The following PRAMEF10 variants were observed in gnomAD, a reference collection of about 807,000 sequenced individuals.
PRAMEF10 encodes PRAME family member 10.
PRAMEF10 carries 4 observed loss-of-function variants against 27.7 expected under a neutral mutation model. The ratio of observed to expected loss-of-function variants is 0.14; its 90% CI spans 0.07 to 0.33. PRAMEF10 has a LOEUF of 0.33. Ranked by LOEUF, PRAMEF10 falls within the 10% of genes least tolerant of loss-of-function variation. The pLI is 1.00. For missense variants in PRAMEF10, 99 were observed against 453.9 expected, an observed-to-expected ratio of 0.22 and a Z score of 7.10; for synonymous variants, 46 against 176.0, an observed-to-expected ratio of 0.26 and a Z score of 5.85.
rs2100447386 is a variant in PRAMEF10 at position 12,897,668 on chromosome 1, C to G, written c.-26+548G>C. 1.3e-5 allele frequency among the ~76,000 whole-genome samples: 2 copies of G among 149,510 alleles called. 1 individual carries two copies. Among genetic ancestry groups the G allele is most frequent in the African/African-American group, 5.0e-5 (2 of 39,738 alleles). Reference sequence around the variant, plus strand: ...GGTCAGGAGTTTGAGACCAACTTGGCCAGCATGGTGAAACCCCACCTCTAC... The same window carrying G: ...GGTCAGGAGTTTGAGACCAACTTGGGCAGCATGGTGAAACCCCACCTCTAC... On this transcript the variant is annotated intron_variant, in intron 1 of 3. Coordinates refer to ENST00000235347, the MANE Select transcript of PRAMEF10 (RefSeq NM_001039361.4).
intron 1 of PRAMEF10, among the ~76,000 whole-genome samples, chr1:12,897,606 C>T (rs1401478272): frequency 6.7e-6 from 1 of 149,746 alleles, no homozygotes; most frequent in Non-Finnish European, 1.5e-5. Flanking sequence ...GCTGTAATTC[C>T]AGCACTTTGG....
chr1:12,894,310 C>T (rs1013545897), intron 3 of PRAMEF10, among the ~76,000 whole-genome samples: 16 of 143,910 alleles, frequency 1.1e-4, no homozygotes, highest in African/African-American at 4.1e-4. Flanking sequence ...ACAAATGCAC[C>T]CTCACTAGAT....
In PRAMEF10 at chr1:12,894,576, C is replaced by G. The variant is rs202145847; in HGVS notation, c.866+10G>C. ...ATGGTCTGCAGAGAAAGCTCACCAT[C>G]ATTTCTTACCTGAGCAGGTGCTCCA... On this transcript the variant is annotated intron_variant, in intron 3 of 3. Coordinates refer to ENST00000235347, the MANE Select transcript of PRAMEF10 (RefSeq NM_001039361.4). The G allele has an allele frequency of 8.3e-4, 403 of 483,244 alleles. No homozygotes were observed. Among genetic ancestry groups the G allele is most frequent in the South Asian group, 8.3e-3 (375 of 45,096 alleles). The allele number at this position is 483,244 out of a possible 1,614,324, so 29.9% of individuals were successfully genotyped here. A position where few individuals can be genotyped will look rare whatever the true frequency, so the allele number is the denominator to read the frequency against.
In PRAMEF10 at chr1:12,894,643, TG is replaced by T; in HGVS notation, c.808del (p.Gln270ArgfsTer5). 1.6e-6 allele frequency: 1 copy of T among 628,766 alleles called. No individual in the cohort carries two copies. The highest frequency in any genetic ancestry group is 2.6e-6 in the Non-Finnish European group (1 of 389,304). The allele number at this position is 628,766 out of a possible 1,614,324, so 38.9% of individuals were successfully genotyped here. On this transcript the variant is annotated frameshift_variant, in exon 3 of 4. Transcript: ENST00000235347. LOFTEE classifies it high-confidence loss of function. The stretch of plus-strand genomic sequence containing the variant: ...ACTGATCTTTTTTATATAAAGCATC[TG>T]GGGGTAGTACAGGCAGAGGAATGGA... ...DSPFLCLYYP[Q>X]MLYIKKISNI...
chr1:12,897,491 C>A (rs1211741081), intron 1 of PRAMEF10, among the ~76,000 whole-genome samples: 1 of 148,626 alleles, frequency 6.7e-6, no homozygotes, highest in Non-Finnish European at 1.5e-5. Flanking sequence ...AATTGTTTCT[C>A]CCATGTCAGC....
chr1:12,893,741 C>G (rs1299206349), intron 3 of PRAMEF10, among the ~76,000 whole-genome samples: 18 of 99,060 alleles, frequency 1.8e-4, no homozygotes, highest in African/African-American at 5.5e-4. Flanking sequence ...AGTCCTTTCA[C>G]CCTTGCCTGT....
At position 12,897,837 on chromosome 1, in the gene PRAMEF10, A is replaced by G. The variant is rs189806229; in HGVS notation, c.-26+379T>C. Among the ~76,000 whole-genome samples the G allele has an allele frequency of 2.2e-3, 326 of 148,878 alleles. 18 individuals carry two copies. Among genetic ancestry groups the G allele is most frequent in the African/African-American group, 8.0e-3 (315 of 39,578 alleles). On this transcript the variant is annotated intron_variant, in intron 1 of 3. Transcript: ENST00000235347. ...GTGCCACTGCACTCCAGCCTTGGAA[A>G]CAGAGCGAGACTCCATCCCCCCTTC...
chr1:12,896,286 A>G lies in PRAMEF10; in HGVS notation c.-25-414T>C, dbSNP rs559192837. On this transcript the variant is annotated intron_variant, in intron 1 of 3. Coordinates refer to ENST00000235347, the MANE Select transcript of PRAMEF10 (RefSeq NM_001039361.4). ...CATTCCACCCGCCTTGGCCTCCCAAAGTACTGGGATTACAGGCGTAATCCT... is the reference window on the plus strand; with the variant it reads ...CATTCCACCCGCCTTGGCCTCCCAAGGTACTGGGATTACAGGCGTAATCCT... Among the ~76,000 whole-genome samples the G allele has an allele frequency of 1.6e-4, 24 of 150,098 alleles. 1 individual carries two copies. Among genetic ancestry groups the G allele is most frequent in the African/African-American group, 5.6e-4 (23 of 40,712 alleles).
rs747018020 is a variant in PRAMEF10, at chr1:12,893,074, C to G, written c.1267G>C (p.Gly423Arg). The stretch of plus-strand genomic sequence containing the variant: ...GTGAGGATCTCCCAATTGACATGAC[C>G]CTTGTAGTCAAGACTCTCCAGAGGG... ...PAPLESLDYK[G>R]HVNWEILTPI... The change falls in exon 4 of 4, where the codon GGT becomes CGT. Residue 423 changes from glycine to arginine, a missense_variant. Gly to Arg is a moderately radical substitution (Grantham distance 125). Transcript: ENST00000235347. 1 of 1,597,648 alleles carries G rather than the reference C, an allele frequency of 6.3e-7. No homozygotes were observed. The highest frequency in any genetic ancestry group is 1.4e-5 in the African/African-American group (1 of 73,202).
In PRAMEF10 at chr1:12,895,083, G is replaced by C; in HGVS notation, c.369C>G (p.Ser123=). The C allele has an allele frequency of 6.7e-7, 1 of 1,498,494 alleles. No homozygotes were observed. The highest frequency in any genetic ancestry group is 1.4e-5 in the African/African-American group (1 of 70,840). 92.8% of individuals were successfully genotyped at this position (1,498,494 alleles called of 1,614,324 possible). The change falls in exon 3 of 4, where the codon TCC becomes TCG. Residue 123 remains serine, a synonymous_variant. Coordinates refer to ENST00000235347, the MANE Select transcript of PRAMEF10 (RefSeq NM_001039361.4). ...TCTTACTCATGGCCTCTGGGGAGCA[G>C]GAGAGGACCCTGGCTCCAGACCATA... The part of the protein sequence containing the change: ...WTIWSGARVL[S]CSPEAMSKRQ...
At position 12,896,304 on chromosome 1, in the gene PRAMEF10, G is replaced by A. The variant is rs562942682; in HGVS notation, c.-25-432C>T. Among the ~76,000 whole-genome samples the A allele has an allele frequency of 3.0e-3, 453 of 150,372 alleles. 20 individuals carry two copies. Among genetic ancestry groups the A allele is most frequent in the Non-Finnish European group, 5.2e-3 (354 of 67,612 alleles). ...CTCCCAAAGTACTGGGATTACAGGC[G>A]TAATCCTCTTCCGGGACTCATTATT... On this transcript the variant is annotated intron_variant, in intron 1 of 3. Coordinates refer to ENST00000235347, the MANE Select transcript of PRAMEF10 (RefSeq NM_001039361.4).
chr1:12,897,739 A>G lies in PRAMEF10; in HGVS notation c.-26+477T>C, dbSNP rs1641232139. Among the ~76,000 whole-genome samples, 2 of 149,300 alleles carry G rather than the reference A, an allele frequency of 1.3e-5. 1 individual carries two copies. The highest frequency in any genetic ancestry group is 5.1e-5 in the African/African-American group (2 of 39,506). On this transcript the variant is annotated intron_variant, in intron 1 of 3. Transcript: ENST00000235347. The stretch of plus-strand genomic sequence containing the variant: ...AGGCAAGTTGGCAGTTGGATGTAAT[A>G]CCAGATACTCAGGAGGCTGAGGCAT...
At chr1:12,896,062 C>G (rs1243509555) in intron 1 of PRAMEF10, among the ~76,000 whole-genome samples, 190 bp from the exon 2 acceptor site, 12 of 147,006 alleles carry the variant, frequency 8.2e-5, no homozygotes, top group African/African-American at 3.0e-4. Flanking sequence ...GTGTCCCAAC[C>G]TCTAAAGAGC....
In PRAMEF10 at chr1:12,893,215, A is replaced by G. The variant is rs1641155540; in HGVS notation, c.1126T>C (p.Cys376Arg). 1 of 1,603,540 alleles carries G rather than the reference A, an allele frequency of 6.2e-7. No individual in the cohort carries two copies. Among genetic ancestry groups the G allele is most frequent in the African/African-American group, 1.3e-5 (1 of 74,250 alleles). ...LRVLLPALSH[C>R]SQLTTFNFHG... is the part of the protein sequence containing the mutation. ...AAGTTGAAGGTGGTGAGCTGGGAAC[A>G]GTGGCTCAGGGCAGGCAGGAGGACC... Residue 376 changes from cysteine to arginine, a missense_variant, in exon 4 of 4, where the codon TGT becomes CGT. Transcript: ENST00000235347.
chr1:12,893,152 G>C lies in PRAMEF10; in HGVS notation c.1189C>G (p.Leu397Val). The C allele has an allele frequency of 6.3e-7, 1 of 1,596,504 alleles. No homozygotes were observed. The highest frequency in any genetic ancestry group is 1.7e-5 in the Admixed American group (1 of 59,498). The change falls in exon 4 of 4, where the codon CTG becomes GTG. Residue 397 changes from leucine to valine, a missense_variant. Coordinates refer to ENST00000235347, the MANE Select transcript of PRAMEF10 (RefSeq NM_001039361.4). ...NETSMNALKD[L>V]LRHTRGLSKL... ...CTCAGCCCACGTGTGTGACGCAGCA[G>C]GTCTTTCAGAGCATTCATGGAGGTC...
In PRAMEF10 at chr1:12,892,905, C is replaced by G. The variant is rs1392492291; in HGVS notation, c.*11G>C. On this transcript the variant is annotated 3_prime_UTR_variant, in exon 4 of 4. Coordinates refer to ENST00000235347, the MANE Select transcript of PRAMEF10 (RefSeq NM_001039361.4). ...GAAGAAAGCTTATCCATCCCACGAA[C>G]CAGGCCTTCCCTAGGAGCAAAGATG... 1 of 1,595,154 alleles carries G rather than the reference C, an allele frequency of 6.3e-7. No individual in the cohort carries two copies. Among genetic ancestry groups the G allele is most frequent in the African/African-American group, 1.4e-5 (1 of 73,008 alleles).
intron 1 of PRAMEF10, among the ~76,000 whole-genome samples, chr1:12,897,633 G>A (rs1641226484): frequency 6.7e-6 from 1 of 149,764 alleles, no homozygotes; most frequent in South Asian, 2.1e-4. Context: ...AAGGCAGGTG[G>A]ATCACTTGAG....
At chr1:12,897,521 A>G (rs1008231294) in intron 1 of PRAMEF10, among the ~76,000 whole-genome samples, 21 of 148,104 alleles carry the variant, frequency 1.4e-4, no homozygotes, top group African/African-American at 5.0e-4. Context: ...AGTTGGGAAG[A>G]CAGATGCATG....
intron 3 of PRAMEF10, among the ~76,000 whole-genome samples, chr1:12,893,976 G>A (rs1187916877): frequency 2.1e-5 from 3 of 140,410 alleles, no homozygotes; most frequent in Non-Finnish European, 4.7e-5. Context: ...ACCTAGGCTG[G>A]AGTGTAGTGG....
Sources: allele counts gnomAD v4.1 joint callset (sites outside exome capture counted in the v4.1 genomes callset), GRCh38; gene constraint gnomAD v4.1.1; transcripts MANE v1.5; gene names NCBI Gene and HGNC (gene_info 2026-07-23, HGNC 2026-07-21).